Variants in NCOA7 observed in about 807,000 individuals in gnomAD.
NCOA7 encodes 140 kDa estrogen receptor-associated protein.
NCOA7 carries 45 observed loss-of-function variants against 104.3 expected under a neutral mutation model. That is an observed-to-expected ratio of 0.43 (90% CI 0.34 to 0.55). NCOA7 has a LOEUF of 0.55. NCOA7 is among the 20% of genes least tolerant of loss of function. The pLI is 0.02. For synonymous variants in NCOA7, 398 were observed against 402.3 expected, an observed-to-expected ratio of 0.99 and a Z score of 0.13; for missense variants, 1,041 against 1,119.7, an observed-to-expected ratio of 0.93 and a Z score of 1.00.
chr6:125,898,690 C>T (rs1231656890), intron 10 of NCOA7, among the ~76,000 whole-genome samples: 2 of 152,124 alleles, frequency 1.3e-5, no homozygotes, highest in African/African-American at 4.8e-5. Flanking sequence ...CATGTCTAAA[C>T]CCCTTCTGTA....
intron 10 of NCOA7, among the ~76,000 whole-genome samples, chr6:125,898,003 CATCCA>C: frequency 6.6e-6 from 1 of 152,172 alleles, no homozygotes; most frequent in South Asian, 2.1e-4. Context: ...TGAGTAGTAG[CATCCA>C]TACATACTAA....
intron 1 of NCOA7, among the ~76,000 whole-genome samples, chr6:125,812,541 T>A (rs1454561256): frequency 2.6e-5 from 4 of 152,214 alleles, no homozygotes; most frequent in African/African-American, 9.7e-5. Context: ...GTTGTCAGGC[T>A]TCCAAGGTGA....
At chr6:125,872,652 T>A (rs996133617) in intron 3 of NCOA7, among the ~76,000 whole-genome samples, 5 of 152,210 alleles carry the variant, frequency 3.3e-5, no homozygotes, top group Admixed American at 1.3e-4. Context: ...ACAATTGAAA[T>A]TTTTCAGATT....
intron 10 of NCOA7, among the ~76,000 whole-genome samples, chr6:125,895,344 G>C (rs2128664990): frequency 6.6e-6 from 1 of 152,262 alleles, no homozygotes; most frequent in Non-Finnish European, 1.5e-5. Context: ...AAAGCGAAGG[G>C]AGAGAAGGAG....
chr6:125,831,976 T>C (rs1779226427), intron 2 of NCOA7, among the ~76,000 whole-genome samples: 1 of 152,242 alleles, frequency 6.6e-6, no homozygotes, highest in Non-Finnish European at 1.5e-5. Flanking sequence ...GCTTTCAGCA[T>C]TGGTTCTTCC....
rs377587323 is a variant in NCOA7 at position 125,919,269 on chromosome 6, G to A, written c.2245-1674G>A. 29 of 1,611,216 alleles carry A rather than the reference G, an allele frequency of 1.8e-5. No individual in the cohort carries two copies. The South Asian group carries it at 2.3e-4, about 13-fold the overall frequency. Reference sequence around the variant, plus strand: ...ACTGAGAAAACAGTTGTAGCTCAGCGTGGCTACAAGTAACTGTGGTGTGGA... The same window carrying A: ...ACTGAGAAAACAGTTGTAGCTCAGCATGGCTACAAGTAACTGTGGTGTGGA... On this transcript the variant is annotated intron_variant, in intron 11 of 15. Transcript: ENST00000392477.
intron 12 of NCOA7, 82 bp downstream of exon 12, chr6:125,921,150 C>T (rs1787542465): frequency 1.3e-6 from 2 of 1,519,460 alleles, no homozygotes. Flanking sequence ...TGGCTCATGC[C>T]TGTAATCCTC....
At chr6:125,866,222 A>G (rs746183025) in intron 3 of NCOA7, among the ~76,000 whole-genome samples, 2 of 151,880 alleles carry the variant, frequency 1.3e-5, no homozygotes, top group Non-Finnish European at 2.9e-5. Flanking sequence ...CCAGCTGTTC[A>G]GGAGGCTGAG....
chr6:125,854,871 AG>A (rs1190049235), intron 2 of NCOA7, 148 bp from the exon 3 acceptor site: 1 of 582,854 alleles, frequency 1.7e-6, no homozygotes, highest in Non-Finnish European at 3.0e-6. Flanking sequence ...AAAAGAAAAA[AG>A]AACAATACAT....
At chr6:125,908,041 C>T (rs759161942) in intron 10 of NCOA7, among the ~76,000 whole-genome samples, 55 of 152,146 alleles carry the variant, frequency 3.6e-4, no homozygotes, top group Non-Finnish European at 1.8e-4. Context: ...AAGGGCTGGC[C>T]ATGGCTGCTG....
At position 125,794,907 on chromosome 6, in the gene NCOA7, A is replaced by C. The variant is rs191012185; in HGVS notation, c.-65+3840A>C. Reference sequence around the variant, plus strand: ...AGCTGAAGGGCTAGCCTAACTTAGCATAACACTCACCAGAGTGAATCGACA... The same window carrying C: ...AGCTGAAGGGCTAGCCTAACTTAGCCTAACACTCACCAGAGTGAATCGACA... On this transcript the variant is annotated intron_variant, in intron 1 of 15. Transcript: ENST00000392477. Among the ~76,000 whole-genome samples, 635 of 152,360 alleles carry C rather than the reference A, an allele frequency of 4.2e-3. 5 individuals carry two copies. The highest frequency in any genetic ancestry group is 3.3e-3 in the Non-Finnish European group (226 of 68,032).
intron 1 of NCOA7, among the ~76,000 whole-genome samples, chr6:125,810,550 T>C (rs549704505): frequency 1.1e-4 from 16 of 152,338 alleles, no homozygotes; most frequent in African/African-American, 3.8e-4. Flanking sequence ...TAGAGTGTAT[T>C]GAATGAAGGA....
intron 2 of NCOA7, among the ~76,000 whole-genome samples, chr6:125,835,214 A>G (rs1779512708): frequency 6.6e-6 from 1 of 152,170 alleles, no homozygotes; most frequent in Admixed American, 6.5e-5. Context: ...TGTTATTTTC[A>G]TGTGATAAAG....
At chr6:125,928,487 G>A (rs1285472321) in intron 15 of NCOA7, 149 bp from the exon 16 acceptor site, 2 of 917,236 alleles carry the variant, frequency 2.2e-6, no homozygotes, top group East Asian at 5.1e-5. Flanking sequence ...TCATTTAAAT[G>A]AAATAAAGGA....
chr6:125,907,399 ACACTCCC>A (rs959817438), intron 10 of NCOA7, among the ~76,000 whole-genome samples: 3 of 152,062 alleles, frequency 2.0e-5, no homozygotes, highest in Non-Finnish European at 2.9e-5. Flanking sequence ...CTTCCCCTTC[ACACTCCC>A]CAAACACAGA....
intron 10 of NCOA7, among the ~76,000 whole-genome samples, chr6:125,903,195 G>A (rs1432746920): frequency 6.6e-6 from 1 of 152,140 alleles, no homozygotes; most frequent in Non-Finnish European, 1.5e-5. Context: ...ATCTGATTAA[G>A]GCCAAATTTG....
chr6:125,818,589 G>A lies in NCOA7; in HGVS notation c.50+3185G>A, dbSNP rs182663028. Among the ~76,000 whole-genome samples, 786 of 152,032 alleles carry A rather than the reference G, an allele frequency of 5.2e-3. 8 individuals are homozygous for A. Among genetic ancestry groups the A allele is most frequent in the African/African-American group, 0.018 (724 of 41,366 alleles). The stretch of plus-strand genomic sequence containing the variant: ...GGGTAGGAGCAGGGAGAGAGAGAAA[G>A]AGACAGAGAGAGAAACACTGACTGA... On this transcript the variant is annotated intron_variant, in intron 2 of 15. Transcript: ENST00000392477.
chr6:125,862,469 G>A (rs1391334986), intron 3 of NCOA7, among the ~76,000 whole-genome samples: 1 of 138,166 alleles, frequency 7.2e-6, no homozygotes, highest in Non-Finnish European at 1.5e-5. Context: ...GACATTCTCA[G>A]ACATAGAAGA....
At chr6:125,812,562 A>G (rs532533338) in intron 1 of NCOA7, among the ~76,000 whole-genome samples, 7 of 152,276 alleles carry the variant, frequency 4.6e-5, no homozygotes, top group Non-Finnish European at 1.0e-4. Context: ...TCTCATCATC[A>G]TATTGTTTTT....
Sources: allele counts gnomAD v4.1 joint callset (sites outside exome capture counted in the v4.1 genomes callset), GRCh38; gene constraint gnomAD v4.1.1; transcripts MANE v1.5; gene names NCBI Gene and HGNC (gene_info 2026-07-23, HGNC 2026-07-21).